The following SLC38A9 variants were observed in gnomAD, a reference collection of about 807,000 sequenced individuals.
SLC38A9 encodes neutral amino acid transporter 9.
Under a neutral mutation model 62.3 loss-of-function variants are expected in SLC38A9, and 48 were observed. The ratio of observed to expected loss-of-function variants is 0.77; its 90% CI spans 0.61 to 0.98. The LOEUF is 0.98. SLC38A9 is among the 50% of genes least tolerant of loss of function. The probability of loss-of-function intolerance (pLI) is 0.00; values close to 1 mark genes in which losing one functional copy is unlikely to be tolerated. For synonymous variants in SLC38A9, 204 were observed against 227.7 expected (o/e 0.90, Z 0.94); for missense variants, 541 against 679.8 (o/e 0.80, Z 2.27).
chr5:55,631,461 T>C (rs1305657310), intron 14 of SLC38A9, among the ~76,000 whole-genome samples: 1 of 152,172 alleles, frequency 6.6e-6, no homozygotes, highest in South Asian at 2.1e-4. Context: ...ACAGGAATAA[T>C]GTATTTGCTT....
chr5:55,669,680 T>C (rs1167534242), intron 5 of SLC38A9, 60 bp from the exon 6 acceptor site: 6 of 1,588,484 alleles, frequency 3.8e-6, no homozygotes, highest in Non-Finnish European at 5.1e-6. Context: ...ACATTTTAAT[T>C]GAGACAAAAA....
intron 9 of SLC38A9, among the ~76,000 whole-genome samples, chr5:55,655,369 G>A (rs1477065743): frequency 5.9e-5 from 9 of 152,080 alleles, no homozygotes; most frequent in African/African-American, 2.2e-4. Context: ...ATTAACTTTA[G>A]ATATTAGTAA....
At chr5:55,676,658 AC>A (rs1173227546) in intron 3 of SLC38A9, among the ~76,000 whole-genome samples, 2 of 152,210 alleles carry the variant, frequency 1.3e-5, no homozygotes, top group Non-Finnish European at 2.9e-5. Context: ...TAAACAAGCT[AC>A]CTATTTTTCT....
At chr5:55,679,663 C>T (rs916130025) in intron 3 of SLC38A9, among the ~76,000 whole-genome samples, 3 of 151,546 alleles carry the variant, frequency 2.0e-5, no homozygotes, top group Admixed American at 6.6e-5. Context: ...ACAACAGAAA[C>T]ATTTTAACCA....
chr5:55,674,664 C>T (rs1751837356), intron 3 of SLC38A9, among the ~76,000 whole-genome samples: 1 of 152,112 alleles, frequency 6.6e-6, no homozygotes, highest in Non-Finnish European at 1.5e-5. Context: ...CTCAGGTATT[C>T]TGTTACAGCA....
chr5:55,650,297 C>T (rs538351480), intron 10 of SLC38A9, among the ~76,000 whole-genome samples: 14 of 152,112 alleles, frequency 9.2e-5, no homozygotes, highest in African/African-American at 3.4e-4. Flanking sequence ...GAAATTAAGT[C>T]TAGTCATTAT....
chr5:55,710,086 GAA>G (rs11394301), intron 2 of SLC38A9, among the ~76,000 whole-genome samples: 1 of 118,902 alleles, frequency 8.4e-6, no homozygotes, highest in African/African-American at 3.2e-5. Flanking sequence ...AAAAAAAAAA[GAA>G]AAAAAAAAGA....
intron 3 of SLC38A9, chr5:55,694,330 A>C (rs1186165186): frequency 6.2e-6 from 1 of 160,702 alleles, no homozygotes; most frequent in Non-Finnish European, 1.4e-5. Context: ...CATTTGAGGA[A>C]GACAGATGGG....
chr5:55,646,021 C>A, intron 11 of SLC38A9, 126 bp from the exon 12 acceptor site: 1 of 642,920 alleles, frequency 1.6e-6, no homozygotes. Flanking sequence ...ATTAAAATGT[C>A]TTTACAAAGT....
At chr5:55,708,649 T>G (rs534548065) in intron 2 of SLC38A9, among the ~76,000 whole-genome samples, 1 of 152,318 alleles carries the variant, frequency 6.6e-6, no homozygotes, top group Admixed American at 6.5e-5. Context: ...AGACTAAAAA[T>G]GAATATTACT....
At chr5:55,652,318 T>C (rs1230125669) in intron 10 of SLC38A9, among the ~76,000 whole-genome samples, 1 of 128,362 alleles carries the variant, frequency 7.8e-6, no homozygotes, top group African/African-American at 2.9e-5. Flanking sequence ...GATTGAGCCA[T>C]TGCACTCCAC....
At position 55,662,556 on chromosome 5, in the gene SLC38A9, G is replaced by A. The variant is rs556848341; in HGVS notation, c.697+2137C>T. Among the ~76,000 whole-genome samples the A allele has an allele frequency of 4.6e-5, 7 of 151,936 alleles. No homozygotes were observed. In the East Asian group the frequency reaches 5.8e-4, roughly 13 times the overall value. On this transcript the variant is annotated intron_variant, in intron 8 of 15. Transcript: ENST00000396865. Reference sequence around the variant, plus strand: ...GTGGTGGTGCACGCCTATGATCTCCGCTACTCAGGAGGCTGAGGCAGGAGA... The same window carrying A: ...GTGGTGGTGCACGCCTATGATCTCCACTACTCAGGAGGCTGAGGCAGGAGA...
At chr5:55,691,484 G>A (rs1754734430) in intron 3 of SLC38A9, among the ~76,000 whole-genome samples, 1 of 152,162 alleles carries the variant, frequency 6.6e-6, no homozygotes, top group Admixed American at 6.5e-5. Context: ...GAGAAAGACT[G>A]AAAAACAAGA....
At chr5:55,631,352 G>C (rs1271760080) in intron 14 of SLC38A9, among the ~76,000 whole-genome samples, 1 of 151,732 alleles carries the variant, frequency 6.6e-6, no homozygotes, top group Non-Finnish European at 1.5e-5. Context: ...GGTAGGGGAA[G>C]AACTGTAATG....
At chr5:55,705,603 AAGG>A (rs1757192967) in intron 2 of SLC38A9, among the ~76,000 whole-genome samples, 2 of 152,216 alleles carry the variant, frequency 1.3e-5, no homozygotes, top group South Asian at 4.1e-4. Flanking sequence ...CTGCCTTAAA[AAGG>A]AGGAGTTAGG....
chr5:55,698,667 C>T (rs751188931), intron 2 of SLC38A9, among the ~76,000 whole-genome samples: 9 of 152,204 alleles, frequency 5.9e-5, no homozygotes, highest in Non-Finnish European at 1.2e-4. Flanking sequence ...GCTATAGTGT[C>T]CACACCTGTA....
At chr5:55,647,179 TA>T (rs1268346009) in intron 11 of SLC38A9, among the ~76,000 whole-genome samples, 1 of 87,284 alleles carries the variant, frequency 1.1e-5, no homozygotes, top group Non-Finnish European at 2.9e-5. Context: ...TATTTTATTT[TA>T]TTTTTTATTT....
intron 3 of SLC38A9, among the ~76,000 whole-genome samples, chr5:55,673,927 G>C (rs1025282582): frequency 7.9e-5 from 12 of 152,132 alleles, no homozygotes; most frequent in Admixed American, 7.2e-4. Flanking sequence ...GGCCAGGCTG[G>C]TCTCCAACTC....
intron 3 of SLC38A9, among the ~76,000 whole-genome samples, chr5:55,681,789 G>A (rs1189329831): frequency 6.6e-6 from 1 of 152,098 alleles, no homozygotes; most frequent in Non-Finnish European, 1.5e-5. Flanking sequence ...CCAGGGGTCG[G>A]TACACTATGG....
Sources: allele counts gnomAD v4.1 joint callset (sites outside exome capture counted in the v4.1 genomes callset), GRCh38; gene constraint gnomAD v4.1.1; transcripts MANE v1.5; gene names NCBI Gene and HGNC (gene_info 2026-07-23, HGNC 2026-07-21).